The following ABCC4 variants were observed in gnomAD, a reference collection of about 807,000 sequenced individuals.
ABCC4 encodes ATP-binding cassette sub-family C member 4.
In ABCC4, 102 loss-of-function variants were observed where a neutral mutation model predicts 168.5. The observed-to-expected ratio is 0.61, with a 90% CI of 0.52 to 0.71. The LOEUF is 0.71. ABCC4 is among the 30% of genes least tolerant of loss of function. ABCC4 has a pLI of 0.00. For synonymous variants in ABCC4, 617 were observed against 590.7 expected (o/e 1.04, Z -0.65); for missense variants, 1,402 against 1,605.8 (o/e 0.87, Z 2.17).
intron 20 of ABCC4, among the ~76,000 whole-genome samples, chr13:95,114,064 AC>A (rs2035291077): frequency 6.6e-6 from 1 of 152,160 alleles, no homozygotes; most frequent in South Asian, 2.1e-4. Flanking sequence ...TTTCTTGGAG[AC>A]AATAACATTA....
At chr13:95,213,116 G>T (rs1439893907) in intron 4 of ABCC4, among the ~76,000 whole-genome samples, 1 of 102,736 alleles carries the variant, frequency 9.7e-6, no homozygotes, top group African/African-American at 3.2e-5. Flanking sequence ...GACTGAGCAA[G>T]ATTCCATCTT....
intron 8 of ABCC4, among the ~76,000 whole-genome samples, chr13:95,202,962 A>G (rs990967435): frequency 1.3e-5 from 2 of 152,000 alleles, no homozygotes; most frequent in African/African-American, 4.8e-5. Flanking sequence ...GCCTGGCCGC[A>G]CTTCTGAGAC....
intron 21 of ABCC4, among the ~76,000 whole-genome samples, chr13:95,081,704 T>C (rs146830938): frequency 6.6e-6 from 1 of 152,280 alleles, no homozygotes; most frequent in African/African-American, 2.4e-5. Flanking sequence ...TAAATGCCTC[T>C]TAGAGTTCAC....
chr13:95,247,918 G>GCACACACACATACACACACACACACACA (rs2040152088), intron 1 of ABCC4, among the ~76,000 whole-genome samples, 165 bp from the exon 2 acceptor site: 1 of 142,564 alleles, frequency 7.0e-6, no homozygotes, highest in African/African-American at 2.8e-5. Flanking sequence ...GTTAACATGT[G>GCACACACACATACACACACACACACACA]CACACACACA....
intron 15 of ABCC4, 21 bp downstream of exon 15, chr13:95,166,135 GTT>G: frequency 6.3e-7 from 1 of 1,597,854 alleles, no homozygotes. Flanking sequence ...ACCAGGCCAT[GTT>G]GTAACAGGAG....
chr13:95,031,719 A>T (rs2031886667), intron 30 of ABCC4, among the ~76,000 whole-genome samples: 1 of 152,198 alleles, frequency 6.6e-6, no homozygotes. Flanking sequence ...CATTGATTTA[A>T]AAAAAGATTC....
intron 3 of ABCC4, among the ~76,000 whole-genome samples, chr13:95,240,244 T>C (rs2039896676): frequency 6.6e-6 from 1 of 152,186 alleles, no homozygotes; most frequent in African/African-American, 2.4e-5. Context: ...GTTTCTTCAA[T>C]TAGAAAGTAC....
chr13:95,260,667 C>A (rs76330228), intron 1 of ABCC4, among the ~76,000 whole-genome samples: 6,693 of 152,230 alleles, frequency 0.044, 219 homozygotes, highest in Non-Finnish European at 0.069. Flanking sequence ...TTGGAGACAG[C>A]AGAGAAAATG....
At chr13:95,180,482 G>A (rs1266854624) in intron 11 of ABCC4, among the ~76,000 whole-genome samples, 1 of 152,044 alleles carries the variant, frequency 6.6e-6, no homozygotes, top group Non-Finnish European at 1.5e-5. Flanking sequence ...GAACCTGGGA[G>A]GCAAAGGTTG....
rs929318948 is a variant in ABCC4, at chr13:95,286,683, G to A, written c.74+14558C>T. Among the ~76,000 whole-genome samples, 19 of 152,060 alleles carry A rather than the reference G, an allele frequency of 1.2e-4. No homozygotes were observed. The East Asian group carries it at 1.4e-3, about 11-fold the overall frequency. On this transcript the variant is annotated intron_variant, in intron 1 of 30. Coordinates refer to ENST00000645237, the MANE Select transcript of ABCC4 (RefSeq NM_005845.5). ...GAAAAATTAGTGTATAAGGCCGGGC[G>A]CGGAGGCTCACGCCTGTAATCCCAG...
At chr13:95,298,125 C>A (rs2138972712) in intron 1 of ABCC4, among the ~76,000 whole-genome samples, 1 of 152,066 alleles carries the variant, frequency 6.6e-6, no homozygotes, top group South Asian at 2.1e-4. Flanking sequence ...CCCATCTCTA[C>A]CAAAAATACA....
In ABCC4 at chr13:95,073,485, G is replaced by A. The variant is rs142297011; in HGVS notation, c.2918-181C>T. 9.9e-6 allele frequency: 4 copies of A among 403,670 alleles called. No individual in the cohort carries two copies. In the East Asian group the frequency reaches 1.5e-4, roughly 15 times the overall value. The allele number at this position is 403,670 out of a possible 1,614,324, so 25.0% of individuals were successfully genotyped here. A position where few individuals can be genotyped will look rare whatever the true frequency, so the allele number is the denominator to read the frequency against. ...AAGATACAATGGGGAAAACAACACT[G>A]TATATTTAGAAAAATTTTTAGATGA... On this transcript the variant is annotated intron_variant, in intron 23 of 30. Coordinates refer to ENST00000645237, the MANE Select transcript of ABCC4 (RefSeq NM_005845.5).
chr13:95,132,664 G>C (rs549366997), intron 19 of ABCC4, among the ~76,000 whole-genome samples: 2 of 151,972 alleles, frequency 1.3e-5, no homozygotes, highest in South Asian at 4.2e-4. Flanking sequence ...TTCTCAGTTG[G>C]TTGAATCTGA....
At chr13:95,254,013 C>A (rs1402178138) in intron 1 of ABCC4, among the ~76,000 whole-genome samples, 1 of 152,152 alleles carries the variant, frequency 6.6e-6, no homozygotes, top group Non-Finnish European at 1.5e-5. Context: ...TCACCTCAAC[C>A]TCCCAAGTAG....
chr13:95,114,427 C>T (rs548971109), intron 20 of ABCC4, among the ~76,000 whole-genome samples: 8 of 152,224 alleles, frequency 5.3e-5, no homozygotes, highest in Non-Finnish European at 1.2e-4. Flanking sequence ...ACAAAATCTT[C>T]TTGAAGTAAT....
chr13:95,236,944 G>A (rs73546829), intron 3 of ABCC4, among the ~76,000 whole-genome samples: 2,339 of 152,240 alleles, frequency 0.015, 69 homozygotes, highest in African/African-American at 0.053. Context: ...GAGTGCCAAG[G>A]GCAACCAGGG....
rs2038372581 is a variant in ABCC4 at position 95,195,004 on chromosome 13, G to A, written c.1162-67C>T. ...AACAAAAGCACAAACAAAAGTCACT[G>A]CTTCCATGGAATTTGTAACATAAAA... is the stretch of plus-strand genomic sequence containing the variant. On this transcript the variant is annotated intron_variant, in intron 8 of 30. Coordinates refer to ENST00000645237, the MANE Select transcript of ABCC4 (RefSeq NM_005845.5). The A allele has an allele frequency of 2.1e-5, 28 of 1,328,154 alleles. No homozygotes were observed. In the South Asian group the frequency reaches 3.5e-4, roughly 17 times the overall value. The allele number at this position is 1,328,154 out of a possible 1,614,324, so 82.3% of individuals were successfully genotyped here. A position where few individuals can be genotyped will look rare whatever the true frequency, so the allele number is the denominator to read the frequency against.
chr13:95,215,087 C>T (rs924607347), intron 4 of ABCC4, among the ~76,000 whole-genome samples: 2 of 152,060 alleles, frequency 1.3e-5, no homozygotes, highest in African/African-American at 4.8e-5. Flanking sequence ...CTCAGATCTA[C>T]AGAAAGAATA....
intron 19 of ABCC4, among the ~76,000 whole-genome samples, chr13:95,131,244 A>G (rs1296556035): frequency 6.6e-6 from 1 of 152,222 alleles, no homozygotes; most frequent in Non-Finnish European, 1.5e-5. Context: ...AGGATTAAAA[A>G]AAGGGGAAGC....
Sources: allele counts gnomAD v4.1 joint callset (sites outside exome capture counted in the v4.1 genomes callset), GRCh38; gene constraint gnomAD v4.1.1; transcripts MANE v1.5; gene names NCBI Gene and HGNC (gene_info 2026-07-23, HGNC 2026-07-21).